The following ROBO2 variants were observed in gnomAD, a reference collection of about 807,000 sequenced individuals.
ROBO2 encodes the protein roundabout homolog 2.
ROBO2 carries 53 observed loss-of-function variants against 160.8 expected under a neutral mutation model. That is an observed-to-expected ratio of 0.33 (90% CI 0.26 to 0.41). The LOEUF is 0.41. ROBO2 is among the 10% of genes least tolerant of loss of function. The probability of loss-of-function intolerance (pLI) is 1.00; values close to 1 mark genes in which losing one functional copy is unlikely to be tolerated. For missense variants in ROBO2, 1,577 were observed against 1,722.4 expected (o/e 0.92, Z 1.49); for synonymous variants, 664 against 611.7 (o/e 1.09, Z -1.26).
intron 2 of ROBO2, among the ~76,000 whole-genome samples, chr3:77,153,059 G>A (rs574983778): frequency 7.2e-5 from 11 of 152,216 alleles, no homozygotes; most frequent in Non-Finnish European, 1.6e-4. Flanking sequence ...CTTAGTATAA[G>A]TACATTGATC....
intron 2 of ROBO2, among the ~76,000 whole-genome samples, chr3:76,125,546 G>T (rs973698600): frequency 3.3e-5 from 5 of 152,014 alleles, no homozygotes; most frequent in African/African-American, 1.2e-4. Context: ...ATTCTGACTG[G>T]TCTGCGGTGT....
intron 2 of ROBO2, among the ~76,000 whole-genome samples, chr3:77,112,123 C>A (rs2073670010): frequency 7.4e-6 from 1 of 135,340 alleles, no homozygotes; most frequent in South Asian, 2.6e-4. Flanking sequence ...GCCCAGGAGG[C>A]GGAGGTTGCA....
intron 2 of ROBO2, among the ~76,000 whole-genome samples, chr3:76,938,344 C>G (rs900811623): frequency 6.7e-6 from 1 of 149,484 alleles, no homozygotes; most frequent in Middle Eastern, 3.4e-3. Context: ...CAGAGCAAGA[C>G]TCCGTCCCCC....
At chr3:77,510,198 T>C (rs1025216459) in intron 5 of ROBO2, among the ~76,000 whole-genome samples, 3 of 152,038 alleles carry the variant, frequency 2.0e-5, no homozygotes, top group Non-Finnish European at 4.4e-5. Context: ...ACTGTATATA[T>C]TTAAAGAAGA....
chr3:76,793,363 T>C (rs1206473083), intron 2 of ROBO2, among the ~76,000 whole-genome samples: 1 of 151,972 alleles, frequency 6.6e-6, no homozygotes, highest in Admixed American at 6.6e-5. Context: ...ACATTGCTAA[T>C]AGGGGGAACC....
chr3:77,342,447 A>G (rs1311215854), intron 2 of ROBO2, among the ~76,000 whole-genome samples: 1 of 152,158 alleles, frequency 6.6e-6, no homozygotes, highest in African/African-American at 2.4e-5. Flanking sequence ...TTAGAAATAA[A>G]ATAATTCATA....
chr3:76,486,323 G>A (rs112223618), intron 2 of ROBO2, among the ~76,000 whole-genome samples: 2,386 of 152,186 alleles, frequency 0.016, 73 homozygotes, highest in African/African-American at 0.055. Flanking sequence ...GATTCTATAC[G>A]ATTAACTACC....
intron 2 of ROBO2, among the ~76,000 whole-genome samples, chr3:77,405,572 A>G (rs13087053): frequency 0.12 from 18,343 of 151,946 alleles, 1,327 homozygotes; most frequent in East Asian, 0.25. Context: ...TAGAAGTCAG[A>G]ATTGCAATTA....
At chr3:76,231,840 G>A (rs985380324) in intron 2 of ROBO2, among the ~76,000 whole-genome samples, 5 of 152,106 alleles carry the variant, frequency 3.3e-5, no homozygotes, top group Admixed American at 1.3e-4. Flanking sequence ...GCAGCAACAC[G>A]TAGAAAAACA....
intron 2 of ROBO2, among the ~76,000 whole-genome samples, chr3:76,455,733 A>G (rs181090850): frequency 3.2e-4 from 48 of 152,304 alleles, no homozygotes; most frequent in Admixed American, 6.5e-4. Flanking sequence ...AGGGAAAAAT[A>G]AGGAAAGAAA....
intron 6 of ROBO2, among the ~76,000 whole-genome samples, chr3:77,529,364 A>C (rs2091451617): frequency 6.6e-6 from 1 of 151,634 alleles, no homozygotes; most frequent in Non-Finnish European, 1.5e-5. Context: ...AACATTTCTC[A>C]ATAGAAAGGA....
chr3:77,277,748 T>G (rs1437327329), intron 2 of ROBO2, among the ~76,000 whole-genome samples: 2 of 152,214 alleles, frequency 1.3e-5, no homozygotes, highest in African/African-American at 4.8e-5. Context: ...TTGTGAATAG[T>G]GCTGCAATGA....
chr3:76,203,938 G>A (rs1001531749), intron 2 of ROBO2, among the ~76,000 whole-genome samples: 2 of 152,180 alleles, frequency 1.3e-5, no homozygotes, highest in African/African-American at 2.4e-5. Flanking sequence ...GTTCCTGCCC[G>A]CAGTACTGAA....
At chr3:76,044,889 G>T (rs968314885) in intron 2 of ROBO2, among the ~76,000 whole-genome samples, 1 of 152,056 alleles carries the variant, frequency 6.6e-6, no homozygotes. Flanking sequence ...TGAGGTCAGA[G>T]AGTGTCCTAG....
At chr3:76,702,820 C>T (rs150065995) in intron 2 of ROBO2, among the ~76,000 whole-genome samples, 19 of 152,164 alleles carry the variant, frequency 1.2e-4, no homozygotes, top group African/African-American at 4.6e-4. Context: ...ATGCTAGATT[C>T]GAGAAGGTAA....
chr3:76,043,711 A>G (rs765119069), intron 2 of ROBO2, among the ~76,000 whole-genome samples: 1 of 151,672 alleles, frequency 6.6e-6, no homozygotes, highest in Admixed American at 6.6e-5. Context: ...TTTATGACCA[A>G]CCATAGTTTT....
Position 76,438,984 on chromosome 3 carries a change from T to A in ROBO2, c.109+501382T>A, listed in dbSNP as rs146391414. On this transcript the variant is annotated intron_variant, in intron 2 of 26. Coordinates refer to the ROBO2 transcript ENST00000487694. ...GAACAACAGGATTTGGGTTTTTTTTTACACTTCCTGGCTATTTAGTTGTGA... is the reference window on the plus strand; with the variant it reads ...GAACAACAGGATTTGGGTTTTTTTTAACACTTCCTGGCTATTTAGTTGTGA... Among the ~76,000 whole-genome samples, 4 of 152,212 alleles carry A rather than the reference T, an allele frequency of 2.6e-5. No homozygotes were observed. In the East Asian group the frequency reaches 7.7e-4, roughly 29 times the overall value.
Position 76,119,972 on chromosome 3 carries a change from T to TCCTC in ROBO2, c.109+182371_109+182374dup, listed in dbSNP as rs2108283712. Among the ~76,000 whole-genome samples, 2 of 117,784 alleles carry TCCTC rather than the reference T, an allele frequency of 1.7e-5. 1 individual carries two copies. The highest frequency in any genetic ancestry group is 5.4e-4 in the East Asian group (2 of 3,732). The allele number at this position is 117,784 out of a possible 152,430, so 77.3% of individuals were successfully genotyped here. A position where few individuals can be genotyped will look rare whatever the true frequency, so the allele number is the denominator to read the frequency against. On this transcript the variant is annotated intron_variant, in intron 2 of 26. Coordinates refer to the ROBO2 transcript ENST00000487694. ...TTCCTTCCTTCCTTCCTTCCTTCCT[T>TCCTC]CCTCTCTCTTTCTTTCATTCTTTCT... is the stretch of plus-strand genomic sequence containing the variant.
Position 77,504,894 on chromosome 3 carries a change from A to C in ROBO2, c.806+11512A>C, listed in dbSNP as rs181483358. 5.8e-4 allele frequency among the ~76,000 whole-genome samples: 88 copies of C among 152,308 alleles called. 2 individuals carry two copies. The highest frequency in any genetic ancestry group is 3.4e-3 in the Middle Eastern group (1 of 294). On this transcript the variant is annotated intron_variant, in intron 5 of 25. Coordinates refer to ENST00000461745, the Ensembl canonical transcript of ROBO2. ...AGATAGTCTATTCCTATATGAAACTAGAGATAGGTCTGAAAGGGAAAATTG... is the reference window on the plus strand; with the variant it reads ...AGATAGTCTATTCCTATATGAAACTCGAGATAGGTCTGAAAGGGAAAATTG...
Sources: allele counts gnomAD v4.1 joint callset (sites outside exome capture counted in the v4.1 genomes callset), GRCh38; gene constraint gnomAD v4.1.1; transcripts MANE v1.5; gene names NCBI Gene and HGNC (gene_info 2026-07-23, HGNC 2026-07-21).